Variants in TMEM123 observed in about 807,000 individuals in gnomAD.
TMEM123 encodes transmembrane protein 123.
Under a neutral mutation model 19.7 loss-of-function variants are expected in TMEM123, and 16 were observed. The ratio of observed to expected loss-of-function variants is 0.81; its 90% CI spans 0.55 to 1.23. The LOEUF (loss-of-function observed/expected upper bound fraction) is 1.23. TMEM123 is among the 50% of genes most tolerant of loss of function. TMEM123 has a pLI of 0.00. For missense variants in TMEM123, 313 were observed against 257.8 expected, an observed-to-expected ratio of 1.21 and a Z score of -1.47; for synonymous variants, 118 against 99.4, an observed-to-expected ratio of 1.19 and a Z score of -1.12.
rs1491364770 is a variant in TMEM123, at chr11:102,426,859, T to TTCCCCCCCC, written c.157+21952_157+21953insGGGGGGGGA. Among the ~76,000 whole-genome samples the TTCCCCCCCC allele has an allele frequency of 4.8e-4, 2 of 4,136 alleles. 1 individual carries two copies. 2.7% of individuals were successfully genotyped at this position (4,136 alleles called of 152,430 possible). A position where few individuals can be genotyped will look rare whatever the true frequency, so the allele number is the denominator to read the frequency against. On this transcript the variant is annotated intron_variant, in intron 2 of 4. Coordinates refer to ENST00000398136, the MANE Select transcript of TMEM123 (RefSeq NM_052932.3). Reference sequence around the variant, plus strand: ...CATGGCTTAATGTTTTTAAAGTAGTTCCCCCCCCCCCCCCATTTATTGCTC... The same window carrying TTCCCCCCCC: ...CATGGCTTAATGTTTTTAAAGTAGTTTCCCCCCCCCCCCCCCCCCCCCCATTTATTGCTC...
At chr11:102,443,448 G>C (rs1857848046) in intron 2 of TMEM123, among the ~76,000 whole-genome samples, 1 of 152,130 alleles carries the variant, frequency 6.6e-6, no homozygotes, top group South Asian at 2.1e-4. Flanking sequence ...AATGAGGAAA[G>C]GATTCCCTAT....
intron 4 of TMEM123, 74 bp from the exon 5 acceptor site, chr11:102,398,965 G>C: frequency 7.4e-7 from 1 of 1,347,898 alleles, no homozygotes. Flanking sequence ...CTATTTGTTA[G>C]TAAAGTAGGA....
rs1951883487 is a variant in TMEM123 at position 102,398,811 on chromosome 11, AAATT to A, written c.*52_*55del. 23 of 1,580,250 alleles carry A rather than the reference AAATT, an allele frequency of 1.5e-5. No homozygotes were observed. The highest frequency in any genetic ancestry group is 1.8e-5 in the Non-Finnish European group (21 of 1,160,940). On this transcript the variant is annotated 3_prime_UTR_variant, in exon 5 of 5. Coordinates refer to ENST00000398136, the MANE Select transcript of TMEM123 (RefSeq NM_052932.3). ...ATTGTTTTAAACTATTAATAAACCA[AAATT>A]AATTGATAGGGCAGCATCAATCTGT...
At chr11:102,445,037 G>A (rs935191802) in intron 2 of TMEM123, among the ~76,000 whole-genome samples, 7 of 151,932 alleles carry the variant, frequency 4.6e-5, no homozygotes, top group Admixed American at 4.6e-4. Flanking sequence ...GGGGAAGGGG[G>A]GAGGGATAGC....
intron 2 of TMEM123, among the ~76,000 whole-genome samples, chr11:102,440,343 C>T (rs11607657): frequency 0.045 from 6,810 of 152,232 alleles, 214 homozygotes; most frequent in Non-Finnish European, 0.073. Context: ...AGACTAACAG[C>T]GGATGTCTCG....
intron 2 of TMEM123, among the ~76,000 whole-genome samples, chr11:102,416,516 T>C (rs1555055253): frequency 1.3e-5 from 2 of 150,912 alleles, no homozygotes; most frequent in Non-Finnish European, 3.0e-5. Context: ...AAATCAGTAA[T>C]AAAAAAAAAT....
At chr11:102,421,479 A>T (rs1010028282) in intron 2 of TMEM123, among the ~76,000 whole-genome samples, 1 of 152,100 alleles carries the variant, frequency 6.6e-6, no homozygotes, top group Non-Finnish European at 1.5e-5. Flanking sequence ...TTTGGTCATT[A>T]ACAAGCTCAA....
chr11:102,401,374 C>T (rs1951910813), intron 4 of TMEM123, among the ~76,000 whole-genome samples, 165 bp downstream of exon 4: 1 of 152,072 alleles, frequency 6.6e-6, no homozygotes, highest in South Asian at 2.1e-4. Context: ...TAATCACAAG[C>T]TTGTACATAA....
In TMEM123 at chr11:102,401,933, G is replaced by A; in HGVS notation, c.431C>T (p.Ala144Val). The change falls in exon 3 of 5, where the codon GCT becomes GTT. Residue 144 changes from alanine to valine, a missense_variant. Coordinates refer to ENST00000398136, the MANE Select transcript of TMEM123 (RefSeq NM_052932.3). ...ATACATACTTGTTACTGATGAAGCA[G>A]CAGATGTCACTGAACTATTGTGGGT... ...TVTHNSSVTSAASSVTITTTM... is the reference protein window; with the variant it reads ...TVTHNSSVTSVASSVTITTTM... 3 of 1,613,998 alleles carry A rather than the reference G, an allele frequency of 1.9e-6. No individual in the cohort carries two copies. The highest frequency in any genetic ancestry group is 2.5e-6 in the Non-Finnish European group (3 of 1,179,880).
intron 2 of TMEM123, among the ~76,000 whole-genome samples, chr11:102,441,645 A>G (rs1468010312): frequency 6.6e-6 from 1 of 152,160 alleles, no homozygotes; most frequent in Non-Finnish European, 1.5e-5. Flanking sequence ...TAGAGAAGCA[A>G]GAGCAAACAC....
Position 102,452,512 on chromosome 11 carries a change from G to A in TMEM123, c.100+12C>T. The A allele has an allele frequency of 3.3e-6, 5 of 1,502,092 alleles. No individual in the cohort carries two copies. The highest frequency in any genetic ancestry group is 2.0e-5 in the Admixed American group (1 of 50,222). The allele number at this position is 1,502,092 out of a possible 1,614,324, so 93.0% of individuals were successfully genotyped here. Reference sequence around the variant, plus strand: ...CCCACGAACGGGGCTGACGACCCCCGCAGCCACTTACCCGCCATGGCTGCG... The same window carrying A: ...CCCACGAACGGGGCTGACGACCCCCACAGCCACTTACCCGCCATGGCTGCG... On this transcript the variant is annotated intron_variant, in intron 1 of 4. Coordinates refer to ENST00000398136, the MANE Select transcript of TMEM123 (RefSeq NM_052932.3).
rs1951869329 is a variant in TMEM123 at position 102,397,684 on chromosome 11, A to T, written c.*1183T>A. 6.6e-6 allele frequency: 1 copy of T among 152,000 alleles called. No homozygotes were observed. Among genetic ancestry groups the T allele is most frequent in the African/African-American group, 2.4e-5 (1 of 41,432 alleles). 9.4% of individuals were successfully genotyped at this position (152,000 alleles called of 1,614,324 possible). On this transcript the variant is annotated 3_prime_UTR_variant, in exon 5 of 5. Coordinates refer to ENST00000398136, the MANE Select transcript of TMEM123 (RefSeq NM_052932.3). ...TCCTCTCAAAACTTTCTAAGAATTT[A>T]TTCTAAAATATTTTGGTGTTTGTTT... is the stretch of plus-strand genomic sequence containing the variant.
intron 2 of TMEM123, among the ~76,000 whole-genome samples, chr11:102,417,018 A>G (rs1952048508): frequency 6.6e-6 from 1 of 152,218 alleles, no homozygotes; most frequent in Non-Finnish European, 1.5e-5. Context: ...ATCTATGACA[A>G]ACCTACGGCT....
chr11:102,422,647 T>C (rs974759576), intron 2 of TMEM123, among the ~76,000 whole-genome samples: 1 of 152,214 alleles, frequency 6.6e-6, no homozygotes, highest in Non-Finnish European at 1.5e-5. Flanking sequence ...TTATTTTTAC[T>C]TCACACCAAT....
intron 4 of TMEM123, among the ~76,000 whole-genome samples, chr11:102,400,058 G>T (rs760839154): frequency 3.3e-5 from 5 of 152,078 alleles, no homozygotes; most frequent in African/African-American, 1.2e-4. Flanking sequence ...TTTATGATGC[G>T]ATGTTTATTT....
intron 2 of TMEM123, among the ~76,000 whole-genome samples, chr11:102,424,688 C>CAA (rs142373849): frequency 4.2e-5 from 6 of 142,034 alleles, no homozygotes; most frequent in African/African-American, 1.3e-4. Flanking sequence ...GACCTTGTCT[C>CAA]AAAAAAAAAA....
chr11:102,399,617 C>T (rs1013270801), intron 4 of TMEM123, among the ~76,000 whole-genome samples: 2 of 152,204 alleles, frequency 1.3e-5, no homozygotes, highest in African/African-American at 4.8e-5. Context: ...ATCATGGAAG[C>T]TAAAGTGAGT....
intron 2 of TMEM123, among the ~76,000 whole-genome samples, chr11:102,443,899 G>A (rs1468988480): frequency 6.6e-6 from 1 of 152,154 alleles, no homozygotes. Context: ...GATATGAACA[G>A]ACACTTCTCA....
rs200565040 is a variant in TMEM123, at chr11:102,448,844, C to G, written c.125G>C (p.Gly42Ala). 1.2e-6 allele frequency: 2 copies of G among 1,613,558 alleles called. No individual in the cohort carries two copies. The highest frequency in any genetic ancestry group is 1.7e-6 in the Non-Finnish European group (2 of 1,179,740). Residue 42 changes from glycine to alanine, a missense_variant, in exon 2 of 5, where the codon GGG (glycine) becomes GCG (alanine). Gly to Ala is a moderately conservative substitution (Grantham distance 60). Coordinates refer to ENST00000398136, the MANE Select transcript of TMEM123 (RefSeq NM_052932.3). ...GTTAGCACTGGAGTTGTGTGGAAGC[C>G]CAGAATTCTCTATGTTTGCAGATGC... ...MAASANIENS[G>A]LPHNSSANST...
Sources: gnomAD v4.1 joint callset for allele counts (sites outside exome capture counted in the v4.1 genomes callset) on GRCh38, gnomAD v4.1.1 for gene constraint, MANE v1.5 for transcripts, NCBI Gene and HGNC (gene_info 2026-07-23, HGNC 2026-07-21) for gene names.